Variants in SALL2 observed in about 807,000 individuals in gnomAD.
SALL2 encodes the protein spalt like transcription factor 2, also known as sal-like protein 2.
Under a neutral mutation model 58.5 loss-of-function variants are expected in SALL2, and 32 were observed. The ratio of observed to expected loss-of-function variants is 0.55; its 90% confidence interval spans 0.41 to 0.74. The LOEUF is 0.74. Among genes scored for constraint, SALL2 ranks in the 30% least tolerant of loss-of-function variants. SALL2 has a pLI of 0.00. For synonymous variants in SALL2, 516 were observed against 513.6 expected (o/e 1.00, Z -0.06); for missense variants, 1,201 against 1,268.9 (o/e 0.95, Z 0.81).
In SALL2 at chr14:21,523,572, G is replaced by A. The variant is rs1892142693; in HGVS notation, c.2150C>T (p.Pro717Leu). ...TTCAGGGAGTGCAGTACCACCGTTGGGGATCTGGCCCCCCAGGTGCATCCG... is the reference window on the plus strand; with the variant it reads ...TTCAGGGAGTGCAGTACCACCGTTGAGGATCTGGCCCCCCAGGTGCATCCG... ...HVRMHLGGQI[P>L]NGGTALPEGG... Residue 717 changes from proline to leucine, a missense_variant, in exon 2 of 2, where the codon CCC (proline) becomes CTC (leucine). Around this residue, in one of 3 missense-constraint regions of SALL2, gnomAD observed 675 missense variants for 683.8 expected, o/e 0.99. Transcript: ENST00000537235. This position sits in a 1 kb window ranked among gnomAD's most constrained non-coding sequence, Gnocchi z 4.4. 1 of 1,614,196 alleles carries A rather than the reference G, an allele frequency of 6.2e-7. No individual in the cohort carries two copies. Among genetic ancestry groups the A allele is most frequent in the Non-Finnish European group, 8.5e-7 (1 of 1,180,040 alleles).
chr14:21,536,963 T>A, exon 1 of SALL2: 1 of 1,587,750 alleles, frequency 6.3e-7, no homozygotes, highest in Non-Finnish European at 8.7e-7. Flanking sequence ...AACGCTCACT[T>A]GGTCTTAACC....
At chr14:21,526,020 TCCG>T in intron 1 of SALL2, 38 bp downstream of exon 1, 1 of 809,706 alleles carries the variant, frequency 1.2e-6, no homozygotes, top group Non-Finnish European at 2.0e-6. Context: ...CGCATCCCCC[TCCG>T]CCCCCACCCC....
At chr14:21,534,483 G>A (rs1566519910) in intron 1 of SALL2, among the ~76,000 whole-genome samples, 1 of 152,060 alleles carries the variant, frequency 6.6e-6, no homozygotes, top group Non-Finnish European at 1.5e-5. Context: ...GCATTACCAT[G>A]CCCCCAGGTG....
chr14:21,523,068 C>G lies in SALL2; in HGVS notation c.2654G>C (p.Ser885Thr), dbSNP rs760134765. The G allele has an allele frequency of 1.2e-6, 2 of 1,614,058 alleles. No individual in the cohort carries two copies. Among genetic ancestry groups the G allele is most frequent in the East Asian group, 4.5e-5 (2 of 44,894 alleles). Residue 885 changes from serine to threonine, a missense_variant, in exon 2 of 2, where the codon AGC becomes ACC. This residue lies in a region of SALL2 where 675 missense variants were observed against 683.8 expected (regional missense o/e 0.99). Coordinates refer to ENST00000537235, the MANE Select transcript of SALL2 (RefSeq NM_001364564.1). This position sits in a 1 kb window ranked among gnomAD's most constrained non-coding sequence, Gnocchi z 4.4. ...GCTCAGCTCCTCTACCAAGGTCACG[C>G]TGGTGGCTTCCCCTTCTGGGGTGAG... ...SALTPEGEAT[S>T]VTLVEELSLQ... is the part of the protein sequence containing the mutation.
exon 1 of SALL2, chr14:21,537,052 G>T: frequency 1.4e-6 from 1 of 694,644 alleles, no homozygotes; most frequent in Non-Finnish European, 2.6e-6. Context: ...CTGTGAAGCA[G>T]AGATGTTCTT....
upstream of SALL2, among the ~76,000 whole-genome samples, chr14:21,529,430 A>G (rs925962775): frequency 6.6e-6 from 1 of 152,258 alleles, no homozygotes; most frequent in African/African-American, 2.4e-5. Flanking sequence ...CAAAGAGAAA[A>G]ATAGGTGAGT....
Position 21,522,812 on chromosome 14 carries a change from A to G in SALL2, c.2910T>C (p.His970=). The G allele has an allele frequency of 6.2e-7, 1 of 1,608,002 alleles. No individual in the cohort carries two copies. The highest frequency in any genetic ancestry group is 8.5e-7 in the Non-Finnish European group (1 of 1,177,470). The change falls in exon 2 of 2, where the codon CAT becomes CAC. Residue 970 remains histidine, a synonymous_variant. Transcript: ENST00000537235. ...AHHQVQPFAP[H]GPQNIAALSL... ...AAAGAGCAGCAATATTCTGAGGGCC[A>G]TGGGGGGCAAAGGGCTGTACCTGGT...
At chr14:21,530,579 C>T (rs575479268), upstream of SALL2, among the ~76,000 whole-genome samples, 2 of 152,220 alleles carry the variant, frequency 1.3e-5, no homozygotes, top group East Asian at 1.9e-4. Flanking sequence ...TGAGCCATCG[C>T]GCCCGGCCAC....
upstream of SALL2, chr14:21,526,641 TG>T: frequency 6.2e-6 from 2 of 321,282 alleles, no homozygotes; most frequent in Non-Finnish European, 9.2e-6. Flanking sequence ...CCCTGCTCAG[TG>T]GAGCAAGGCG....
chr14:21,522,673 G>A lies in SALL2; in HGVS notation c.*31C>T. 1.3e-6 allele frequency: 2 copies of A among 1,510,628 alleles called. No individual in the cohort carries two copies. Among genetic ancestry groups the A allele is most frequent in the Non-Finnish European group, 1.8e-6 (2 of 1,130,720 alleles). 93.6% of individuals were successfully genotyped at this position (1,510,628 alleles called of 1,614,324 possible). ...TTGTGAAGCTGTTTCTGCTCTGTGG[G>A]ACAAAGAGCAGCAGGTACAGAAAAA... On this transcript the variant is annotated 3_prime_UTR_variant, in exon 2 of 2. Coordinates refer to ENST00000537235, the MANE Select transcript of SALL2 (RefSeq NM_001364564.1).
In SALL2 at chr14:21,521,811, G is replaced by A. The variant is rs1892042323; in HGVS notation, c.*893C>T. 1 of 557,466 alleles carries A rather than the reference G, an allele frequency of 1.8e-6. No individual in the cohort carries two copies. 34.5% of individuals were successfully genotyped at this position (557,466 alleles called of 1,614,324 possible). ...AACTTTGAGAGGTCATCATGAATGAGAAGCTGGAGAGGTCTTGGCACACTG... is the reference window on the plus strand; with the variant it reads ...AACTTTGAGAGGTCATCATGAATGAAAAGCTGGAGAGGTCTTGGCACACTG... On this transcript the variant is annotated 3_prime_UTR_variant, in exon 2 of 2. Coordinates refer to ENST00000537235, the MANE Select transcript of SALL2 (RefSeq NM_001364564.1).
chr14:21,531,331 T>C (rs1240883026), upstream of SALL2, among the ~76,000 whole-genome samples: 1 of 152,246 alleles, frequency 6.6e-6, no homozygotes, highest in Non-Finnish European at 1.5e-5. Flanking sequence ...GATTCAGACC[T>C]GAGTTAAAGT....
upstream of SALL2, chr14:21,526,585 C>T (rs1324247016): frequency 2.4e-6 from 2 of 848,804 alleles, no homozygotes; most frequent in Non-Finnish European, 2.9e-6. Context: ...ACCCTCCTCC[C>T]CCCGCCCTCC....
At position 21,524,993 on chromosome 14, in the gene SALL2, G is replaced by A. The variant is rs368587695; in HGVS notation, c.729C>T (p.Ile243=). 6.2e-7 allele frequency: 1 copy of A among 1,613,984 alleles called. No individual in the cohort carries two copies. The highest frequency in any genetic ancestry group is 1.7e-5 in the Admixed American group (1 of 60,012). ...TKPLLPLFSP[I]KPVQTSKTLA... is the part of the protein sequence containing the mutation. Reference sequence around the variant, plus strand: ...GTGTCTTGCTGGTTTGGACAGGCTTGATGGGGCTGAAGAGGGGTAGTAGGG... The same window carrying A: ...GTGTCTTGCTGGTTTGGACAGGCTTAATGGGGCTGAAGAGGGGTAGTAGGG... Residue 243 remains isoleucine, a synonymous_variant, in exon 2 of 2, where the codon ATC becomes ATT. Transcript: ENST00000537235.
chr14:21,524,283 G>A lies in SALL2; in HGVS notation c.1439C>T (p.Thr480Ile), dbSNP rs773425117. Residue 480 changes from threonine (T) to isoleucine (I), a missense_variant, in exon 2 of 2, where the codon ACA becomes ATA. This residue lies in a region of SALL2 where 675 missense variants were observed against 683.8 expected (regional missense o/e 0.99). Coordinates refer to ENST00000537235, the MANE Select transcript of SALL2 (RefSeq NM_001364564.1). ...VERKPLVAST[T>I]ALSATESLTL... ...CAGGCTCTCTGTGGCACTGAGTGCT[G>A]TTGTGGAGGCCACCAGAGGCTTGCG... 2.5e-6 allele frequency: 4 copies of A among 1,613,988 alleles called. No individual in the cohort carries two copies. Among genetic ancestry groups the A allele is most frequent in the East Asian group, 4.5e-5 (2 of 44,880 alleles).
At chr14:21,530,912 CACTT>C (rs1286630133), upstream of SALL2, among the ~76,000 whole-genome samples, 4 of 152,206 alleles carry the variant, frequency 2.6e-5, no homozygotes, top group Non-Finnish European at 1.5e-5. Flanking sequence ...GCCTCTGGCC[CACTT>C]ACTTATTATT....
rs1566511215 is a variant in SALL2 at position 21,524,942 on chromosome 14, A to G, written c.780T>C (p.Ser260=). Residue 260 remains serine (S), a synonymous_variant, in exon 2 of 2, where the codon TCT becomes TCC. Transcript: ENST00000537235. ...KTLASSSSSS[S]SSSGAETPKQ... Reference sequence around the variant, plus strand: ...TGGGCGTTTCTGCCCCTGAAGAGGAAGAGGAGGAGGAGGAGGAAGATGCCA... The same window carrying G: ...TGGGCGTTTCTGCCCCTGAAGAGGAGGAGGAGGAGGAGGAGGAAGATGCCA... 1 of 1,614,004 alleles carries G rather than the reference A, an allele frequency of 6.2e-7. No homozygotes were observed. The highest frequency in any genetic ancestry group is 8.5e-7 in the Non-Finnish European group (1 of 1,179,940).
Position 21,522,936 on chromosome 14 carries a change from T to C in SALL2, c.2786A>G (p.Lys929Arg). The stretch of plus-strand genomic sequence containing the variant: ...GAGCGGCCCCTCCTTGGGGTGGGTC[T>C]TCTGATGCTCCTCCAGAGCTGCCTG... ...PSQAALEEHQKTHPKEGPLFT... is the reference protein window; with the variant it reads ...PSQAALEEHQRTHPKEGPLFT... Residue 929 changes from lysine to arginine, a missense_variant, in exon 2 of 2, where the codon AAG (lysine) becomes AGG (arginine). By Grantham distance (26) the Lys-to-Arg change is conservative. Around this residue, in one of 3 missense-constraint regions of SALL2, gnomAD observed 675 missense variants for 683.8 expected, o/e 0.99. Transcript: ENST00000537235. 1 of 1,614,086 alleles carries C rather than the reference T, an allele frequency of 6.2e-7. No individual in the cohort carries two copies. Among genetic ancestry groups the C allele is most frequent in the Middle Eastern group, 1.6e-4 (1 of 6,062 alleles).
Position 21,523,244 on chromosome 14 carries a change from A to G in SALL2, c.2478T>C (p.Asn826=), listed in dbSNP as rs1892121394. Residue 826 remains asparagine, a synonymous_variant, in exon 2 of 2, where the codon AAT becomes AAC. Coordinates refer to ENST00000537235, the MANE Select transcript of SALL2 (RefSeq NM_001364564.1). The surrounding 1 kb of genome is among the most constrained non-coding windows in gnomAD (Gnocchi z 4.4). ...AATAGKEMDS[N]EKTTQQSSLP... ...AAGAAGACTGTTGAGTAGTTTTCTC[A>G]TTACTGTCCATCTCCTTCCCAGCTG... 4.3e-6 allele frequency: 7 copies of G among 1,613,642 alleles called. No individual in the cohort carries two copies. Among genetic ancestry groups the G allele is most frequent in the African/African-American group, 1.3e-5 (1 of 74,862 alleles).
Sources: gnomAD v4.1 joint callset for allele counts (sites outside exome capture counted in the v4.1 genomes callset) on GRCh38, gnomAD v4.1.1 for gene constraint, gnomAD v4.1.1 regional missense constraint, Gnocchi (gnomAD v3.1) non-coding constraint, MANE v1.5 for transcripts, NCBI Gene and HGNC (gene_info 2026-07-23, HGNC 2026-07-21) for gene names.